The following NKAIN2 variants were observed in gnomAD, a reference collection of about 807,000 sequenced individuals.
NKAIN2 encodes the protein sodium/potassium transporting ATPase interacting 2.
Under a neutral mutation model 32.6 loss-of-function variants are expected in NKAIN2, and 14 were observed. That is an observed-to-expected ratio of 0.43 (90% CI 0.28 to 0.67). NKAIN2 has a LOEUF of 0.67. Ranked by LOEUF, NKAIN2 falls within the 30% of genes least tolerant of loss-of-function variation. NKAIN2 has a pLI of 0.17. For missense variants in NKAIN2, 198 were observed against 258.3 expected, an observed-to-expected ratio of 0.77 and a Z score of 1.60; for synonymous variants, 80 against 87.2, an observed-to-expected ratio of 0.92 and a Z score of 0.46.
intron 4 of NKAIN2, among the ~76,000 whole-genome samples, chr6:124,696,362 G>A (rs1774497420): frequency 6.6e-6 from 1 of 152,018 alleles, no homozygotes; most frequent in Non-Finnish European, 1.5e-5. Context: ...AAAGTACTCA[G>A]TATGCCTAAG....
At chr6:124,547,616 G>C (rs1448915802) in intron 3 of NKAIN2, among the ~76,000 whole-genome samples, 1 of 152,330 alleles carries the variant, frequency 6.6e-6, no homozygotes, top group Middle Eastern at 3.4e-3. Context: ...CACAGAGGCA[G>C]TGTTTTAAAA....
chr6:124,480,945 T>G (rs1777420762), intron 3 of NKAIN2, among the ~76,000 whole-genome samples: 1 of 152,046 alleles, frequency 6.6e-6, no homozygotes. Context: ...AACCCAAAAA[T>G]GAATTCACAG....
At chr6:124,074,220 G>GT (rs1783590003) in intron 1 of NKAIN2, among the ~76,000 whole-genome samples, 2 of 152,116 alleles carry the variant, frequency 1.3e-5, no homozygotes, top group East Asian at 3.9e-4. Flanking sequence ...AGCGTTCAGG[G>GT]TTTTTTAAAT....
chr6:124,287,958 C>A (rs1280036753), intron 2 of NKAIN2, among the ~76,000 whole-genome samples: 1 of 134,652 alleles, frequency 7.4e-6, no homozygotes, highest in East Asian at 2.2e-4. Flanking sequence ...TATTTCTCCC[C>A]CCCTCTCCCT....
At chr6:124,383,873 A>G (rs1264812637) in intron 3 of NKAIN2, among the ~76,000 whole-genome samples, 1 of 152,164 alleles carries the variant, frequency 6.6e-6, no homozygotes, top group Admixed American at 6.5e-5. Flanking sequence ...GCTTGGCTTT[A>G]AATCTTGGCT....
At chr6:123,863,680 A>T (rs1775876028) in intron 1 of NKAIN2, among the ~76,000 whole-genome samples, 1 of 152,138 alleles carries the variant, frequency 6.6e-6, no homozygotes, top group Non-Finnish European at 1.5e-5. Flanking sequence ...CTTCCATACT[A>T]AAGTTCCTCC....
chr6:124,295,434 A>G (rs1796007444), intron 2 of NKAIN2, among the ~76,000 whole-genome samples: 1 of 152,150 alleles, frequency 6.6e-6, no homozygotes, highest in Non-Finnish European at 1.5e-5. Flanking sequence ...TAGTAAAACT[A>G]AGACAAACAG....
intron 1 of NKAIN2, among the ~76,000 whole-genome samples, chr6:124,176,735 A>G (rs967253616): frequency 6.6e-6 from 1 of 152,154 alleles, no homozygotes; most frequent in Non-Finnish European, 1.5e-5. Flanking sequence ...GCTAGATATG[A>G]TAGAATAAAA....
intron 1 of NKAIN2, among the ~76,000 whole-genome samples, chr6:124,176,730 A>C (rs538603974): frequency 6.6e-6 from 1 of 152,262 alleles, no homozygotes; most frequent in East Asian, 1.9e-4. Context: ...GTGCTGCTAG[A>C]TATGATAGAA....
intron 1 of NKAIN2, among the ~76,000 whole-genome samples, chr6:124,011,050 A>C (rs1371726256): frequency 6.6e-6 from 1 of 152,178 alleles, no homozygotes; most frequent in Admixed American, 6.5e-5. Context: ...CATTTTGACC[A>C]GATTCTGCTC....
intron 4 of NKAIN2, among the ~76,000 whole-genome samples, chr6:124,701,152 C>T (rs993693902): frequency 1.1e-4 from 14 of 131,942 alleles, no homozygotes; most frequent in Non-Finnish European, 1.6e-4. Context: ...CACACACACA[C>T]GCACACACAC....
chr6:124,153,457 G>T (rs1220923070), intron 1 of NKAIN2, among the ~76,000 whole-genome samples: 1 of 151,388 alleles, frequency 6.6e-6, no homozygotes, highest in African/African-American at 2.4e-5. Flanking sequence ...TAACTTGAGG[G>T]ATAATTAACT....
chr6:123,916,756 C>CT (rs1775515360), intron 1 of NKAIN2, among the ~76,000 whole-genome samples: 1 of 151,434 alleles, frequency 6.6e-6, no homozygotes, highest in African/African-American at 2.4e-5. Context: ...GTGTGTATCT[C>CT]TATGTATCTA....
chr6:124,604,903 T>C (rs1782441634), intron 3 of NKAIN2, among the ~76,000 whole-genome samples: 1 of 151,986 alleles, frequency 6.6e-6, no homozygotes, highest in African/African-American at 2.4e-5. Context: ...GCTGATTCAT[T>C]GCTCCATCCC....
chr6:123,957,042 T>C (rs1777624440), intron 1 of NKAIN2, among the ~76,000 whole-genome samples: 1 of 152,084 alleles, frequency 6.6e-6, no homozygotes, highest in Non-Finnish European at 1.5e-5. Flanking sequence ...CTAGTACCCA[T>C]TAGTTATTTC....
At chr6:123,988,199 A>G (rs1224439381) in intron 1 of NKAIN2, among the ~76,000 whole-genome samples, 1 of 152,214 alleles carries the variant, frequency 6.6e-6, no homozygotes, top group African/African-American at 2.4e-5. Context: ...AACCTTTTGC[A>G]TATGACTTTT....
intron 1 of NKAIN2, among the ~76,000 whole-genome samples, chr6:124,210,851 A>G (rs935863023): frequency 2.0e-5 from 3 of 151,794 alleles, no homozygotes; most frequent in African/African-American, 7.3e-5. Flanking sequence ...TGGTGTCTTT[A>G]GGTTTGTCTA....
At chr6:124,150,772 C>T (rs906319041) in intron 1 of NKAIN2, among the ~76,000 whole-genome samples, 5 of 152,140 alleles carry the variant, frequency 3.3e-5, no homozygotes, top group South Asian at 2.1e-4. Context: ...AACTACACTC[C>T]GGGAGGCCTT....
intron 1 of NKAIN2, among the ~76,000 whole-genome samples, chr6:124,131,847 A>G (rs1384907067): frequency 6.6e-6 from 1 of 152,156 alleles, no homozygotes; most frequent in Non-Finnish European, 1.5e-5. Context: ...GGTGAATTTT[A>G]TGATCACTTC....
Sources: allele counts gnomAD v4.1 joint callset (sites outside exome capture counted in the v4.1 genomes callset), GRCh38; gene constraint gnomAD v4.1.1; transcripts MANE v1.5; gene names NCBI Gene and HGNC (gene_info 2026-07-23, HGNC 2026-07-21).